MAU2: variants seen among roughly 807,000 people sequenced by gnomAD.
MAU2 encodes the protein MAU2 sister chromatid cohesion factor.
MAU2 carries 9 observed loss-of-function variants against 89.1 expected under a neutral mutation model. That is an observed-to-expected ratio of 0.10 (90% CI 0.06 to 0.18). The LOEUF (loss-of-function observed/expected upper bound fraction) is 0.18. Among genes scored for constraint, MAU2 ranks in the 10% least tolerant of loss-of-function variants. MAU2 has a pLI of 1.00. For synonymous variants in MAU2, 357 were observed against 343.4 expected, an observed-to-expected ratio of 1.04 and a Z score of -0.44; for missense variants, 425 against 803.5, an observed-to-expected ratio of 0.53 and a Z score of 5.69.
chr19:19,334,089 TG>T, intron 1 of MAU2: 2 of 847,408 alleles, frequency 2.4e-6, no homozygotes, highest in Non-Finnish European at 2.8e-6. Flanking sequence ...GGCTTCTCAG[TG>T]GGATGCAGCA....
At chr19:19,338,759 G>T (rs1045152803) in intron 4 of MAU2, 86 bp from the exon 5 acceptor site, 2 of 981,310 alleles carry the variant, frequency 2.0e-6, no homozygotes, top group African/African-American at 1.6e-5. Flanking sequence ...GGGAGGTTTG[G>T]TTGAGTTTGC....
In MAU2 at chr19:19,338,963, C is replaced by T. The variant is rs956596960; in HGVS notation, c.551+24C>T. On this transcript the variant is annotated intron_variant, in intron 5 of 18. Transcript: ENST00000262815. ...CGGTAGGCACCCACTCCCCTCCTTC[C>T]CTCCTGCTCTGTTAACAGGAGGGGC... 6 of 1,583,518 alleles carry T rather than the reference C, an allele frequency of 3.8e-6. No individual in the cohort carries two copies. In the African/African-American group the frequency reaches 6.7e-5, roughly 18 times the overall value.
chr19:19,355,603 CAG>C, intron 18 of MAU2, 103 bp from the exon 19 acceptor site: 1 of 1,245,568 alleles, frequency 8.0e-7, no homozygotes, highest in Non-Finnish European at 1.1e-6. Flanking sequence ...GCATGGAGAA[CAG>C]AGTCCCGGCT....
chr19:19,355,333 A>G lies in MAU2; in HGVS notation c.1709A>G (p.Gln570Arg), dbSNP rs759143895. The G allele has an allele frequency of 1.2e-6, 2 of 1,614,132 alleles. No individual in the cohort carries two copies. The change falls in exon 18 of 19, where the codon CAG (glutamine) becomes CGG (arginine). Residue 570 changes from glutamine (Q) to arginine (R), a missense_variant. Around this residue, in one of 11 missense-constraint regions of MAU2, gnomAD observed 33 missense variants for 94.1 expected, o/e 0.35. Transcript: ENST00000262815. Reference protein sequence around the residue: ...EAAQMHQNFSQQLLQDHIEAC... With the variant: ...EAAQMHQNFSRQLLQDHIEAC... ...GCCCAGATGCACCAGAACTTCTCGC[A>G]GCAGCTGCTCCAGGACCACATTGAG...
At chr19:19,334,439 A>G in intron 1 of MAU2, 1 of 985,560 alleles carries the variant, frequency 1.0e-6, no homozygotes, top group Non-Finnish European at 1.2e-6. Flanking sequence ...GTGCTTTCCC[A>G]GTGCCTGTGA....
intron 4 of MAU2, among the ~76,000 whole-genome samples, chr19:19,338,614 CA>C (rs1300500661): frequency 6.6e-6 from 1 of 152,182 alleles, no homozygotes; most frequent in African/African-American, 2.4e-5. Context: ...AGATAGTGTC[CA>C]CTGCAGGCAC....
chr19:19,336,979 C>T (rs1844784584), intron 3 of MAU2, among the ~76,000 whole-genome samples, 191 bp from the exon 4 acceptor site: 1 of 152,210 alleles, frequency 6.6e-6, no homozygotes, highest in South Asian at 2.1e-4. Context: ...GCAGAAACTT[C>T]CCAGCCAGTG....
intron 1 of MAU2, chr19:19,334,363 GCT>G (rs1271143460): frequency 4.1e-6 from 4 of 985,782 alleles, no homozygotes; most frequent in Admixed American, 6.1e-5. Flanking sequence ...AGGGGCTCGG[GCT>G]CTCTCCCACA....
chr19:19,350,713 AC>A (rs2061736677), intron 16 of MAU2, among the ~76,000 whole-genome samples: 1 of 151,918 alleles, frequency 6.6e-6, no homozygotes, highest in South Asian at 2.1e-4. Context: ...ATCCTGGCTA[AC>A]ACGGTGAAAC....
chr19:19,325,970 T>G (rs572857457), intron 1 of MAU2, among the ~76,000 whole-genome samples: 1 of 151,948 alleles, frequency 6.6e-6, no homozygotes, highest in East Asian at 1.9e-4. Flanking sequence ...TATCTGCTTC[T>G]GTCAGTTTCT....
Position 19,341,321 on chromosome 19 carries a change from A to C in MAU2, c.649A>C (p.Asn217His). 1.2e-6 allele frequency: 2 copies of C among 1,613,576 alleles called. No individual in the cohort carries two copies. The highest frequency in any genetic ancestry group is 1.7e-6 in the Non-Finnish European group (2 of 1,179,984). ...GACCCTCTGCGGGCAGATCGTGGAG[A>C]ACTGGCAGGGGAACCCCATCCAGAA... ...LLTLCGQIVE[N>H]WQGNPIQKES... Residue 217 changes from asparagine to histidine, a missense_variant, in exon 7 of 19, where the codon AAC (asparagine) becomes CAC (histidine). Physicochemically the swap from Asn to His is moderately conservative, Grantham distance 68 (BLOSUM62 1). This residue lies in a region of MAU2 where 119 missense variants were observed against 299.8 expected (regional missense o/e 0.40). Coordinates refer to ENST00000262815, the MANE Select transcript of MAU2 (RefSeq NM_015329.4).
chr19:19,332,511 C>T (rs1472612179), intron 1 of MAU2, among the ~76,000 whole-genome samples: 2 of 151,974 alleles, frequency 1.3e-5, no homozygotes, highest in Non-Finnish European at 2.9e-5. Flanking sequence ...TGCCTTAGAG[C>T]ATCGCTAACT....
intron 13 of MAU2, chr19:19,348,492 GC>G: frequency 2.7e-6 from 1 of 365,326 alleles, no homozygotes; most frequent in Admixed American, 4.2e-5. Flanking sequence ...GTCAGATCAC[GC>G]CCCCATCAGA....
In MAU2 at chr19:19,356,577, C is replaced by T. The variant is rs1295535068; in HGVS notation, c.*795C>T. The stretch of plus-strand genomic sequence containing the variant: ...CTTGTGGCTGCTGAGGGGCAGGAAG[C>T]GGGGGAGTGGGCTCGTCTCCTAAAT... On this transcript the variant is annotated 3_prime_UTR_variant, in exon 19 of 19. Transcript: ENST00000262815. The T allele has an allele frequency of 1.9e-5, 3 of 158,002 alleles. No homozygotes were observed. The highest frequency in any genetic ancestry group is 6.2e-5 in the Admixed American group (1 of 16,248). The allele number at this position is 158,002 out of a possible 1,614,324, so 9.8% of individuals were successfully genotyped here. A position where few individuals can be genotyped will look rare whatever the true frequency, so the allele number is the denominator to read the frequency against.
intron 10 of MAU2, 145 bp from the exon 11 acceptor site, chr19:19,344,704 G>C: frequency 1.5e-6 from 1 of 664,178 alleles, no homozygotes; most frequent in East Asian, 2.7e-5. Context: ...TGCCCTCATG[G>C]TGGACGTGTC....
chr19:19,343,540 A>G (rs573534727), intron 9 of MAU2, among the ~76,000 whole-genome samples: 2 of 152,248 alleles, frequency 1.3e-5, no homozygotes, highest in South Asian at 4.1e-4. Context: ...CCACATTTCT[A>G]CATTTCTAGA....
At chr19:19,335,873 C>A in intron 2 of MAU2, 138 bp downstream of exon 2, 2 of 1,001,630 alleles carry the variant, frequency 2.0e-6, no homozygotes, top group African/African-American at 1.6e-5. Flanking sequence ...GAGTGTCCCC[C>A]ACCTGGCCCT....
chr19:19,334,130 G>T (rs1169846785), intron 1 of MAU2: 9 of 980,984 alleles, frequency 9.2e-6, no homozygotes, highest in Non-Finnish European at 1.1e-5. Flanking sequence ...CCCAACTTCT[G>T]CTCTTCTGTT....
chr19:19,334,673 A>C, intron 1 of MAU2: 1 of 904,536 alleles, frequency 1.1e-6, no homozygotes. Flanking sequence ...ACCCTCAGCT[A>C]GGAGTGGCCG....
Sources: gnomAD v4.1 joint callset for allele counts (sites outside exome capture counted in the v4.1 genomes callset) on GRCh38, gnomAD v4.1.1 for gene constraint, gnomAD v4.1.1 regional missense constraint, MANE v1.5 for transcripts, NCBI Gene and HGNC (gene_info 2026-07-23, HGNC 2026-07-21) for gene names.